MGMT: variants seen among roughly 807,000 people sequenced by gnomAD.
MGMT encodes the protein methylated-DNA--protein-cysteine methyltransferase.
Under a neutral mutation model 15.9 loss-of-function variants are expected in MGMT, and 14 were observed. That is an observed-to-expected ratio of 0.88 (90% CI 0.58 to 1.37). The LOEUF is 1.37. Ranked by LOEUF, MGMT falls within the 40% of genes most tolerant of loss-of-function variation. The probability of loss-of-function intolerance (pLI) is 0.00; values close to 1 mark genes in which losing one functional copy is unlikely to be tolerated. For synonymous variants in MGMT, 130 were observed against 118.2 expected, an observed-to-expected ratio of 1.10 and a Z score of -0.65; for missense variants, 282 against 268.1, an observed-to-expected ratio of 1.05 and a Z score of -0.36.
intron 3 of MGMT, among the ~76,000 whole-genome samples, chr10:129,729,720 C>T (rs752265600): frequency 1.6e-4 from 24 of 152,182 alleles, no homozygotes; most frequent in Non-Finnish European, 3.1e-4. Flanking sequence ...ATCCGTGTCC[C>T]GTGGTAAAGA....
chr10:129,658,403 T>TGACCCTCA (rs1403804375), intron 2 of MGMT, among the ~76,000 whole-genome samples: 2 of 152,258 alleles, frequency 1.3e-5, no homozygotes, highest in Non-Finnish European at 2.9e-5. Context: ...GAATGACAGG[T>TGACCCTCA]GACCCTCAGA....
At chr10:129,739,009 T>G (rs368607205) in intron 3 of MGMT, among the ~76,000 whole-genome samples, 3 of 152,078 alleles carry the variant, frequency 2.0e-5, no homozygotes, top group Non-Finnish European at 2.9e-5. Flanking sequence ...CATACACAAA[T>G]CAATAAACAT....
At chr10:129,707,101 C>T (rs1262596616) in intron 2 of MGMT, among the ~76,000 whole-genome samples, 1 of 152,028 alleles carries the variant, frequency 6.6e-6, no homozygotes, top group East Asian at 1.9e-4. Context: ...CATGGAGAAA[C>T]CCCATCTCTA....
At chr10:129,680,825 G>T (rs926131417) in intron 2 of MGMT, among the ~76,000 whole-genome samples, 1 of 152,174 alleles carries the variant, frequency 6.6e-6, no homozygotes, top group African/African-American at 2.4e-5. Context: ...TCGCCACTCC[G>T]TGAGGGTAGA....
At chr10:129,544,619 G>A (rs944527152) in intron 2 of MGMT, among the ~76,000 whole-genome samples, 4 of 152,300 alleles carry the variant, frequency 2.6e-5, no homozygotes, top group African/African-American at 4.8e-5. Flanking sequence ...GGTGGGCCAC[G>A]CCCCTCCTGC....
chr10:129,729,957 G>GT (rs1403694062), intron 3 of MGMT, among the ~76,000 whole-genome samples: 3 of 152,114 alleles, frequency 2.0e-5, no homozygotes, highest in African/African-American at 7.2e-5. Flanking sequence ...TTGATATGAG[G>GT]TGTCTGCTGG....
chr10:129,750,001 A>G (rs1012340115), intron 3 of MGMT, among the ~76,000 whole-genome samples: 1 of 152,024 alleles, frequency 6.6e-6, no homozygotes, highest in Non-Finnish European at 1.5e-5. Flanking sequence ...GAGTCTTTTT[A>G]TAATATATTT....
intron 3 of MGMT, among the ~76,000 whole-genome samples, chr10:129,740,156 G>C (rs746533588): frequency 6.6e-6 from 1 of 152,228 alleles, no homozygotes; most frequent in Non-Finnish European, 1.5e-5. Context: ...GTCGGGGTCC[G>C]GGAAAGGGTG....
intron 2 of MGMT, among the ~76,000 whole-genome samples, chr10:129,636,342 G>A (rs926968809): frequency 1.3e-5 from 2 of 152,162 alleles, no homozygotes; most frequent in Non-Finnish European, 2.9e-5. Flanking sequence ...CAGCACAGAG[G>A]TTAGTATTCA....
intron 1 of MGMT, among the ~76,000 whole-genome samples, chr10:129,517,187 G>C (rs181536225): frequency 6.6e-6 from 1 of 152,204 alleles, no homozygotes; most frequent in Non-Finnish European, 1.5e-5. Flanking sequence ...CTGGTGCTCC[G>C]CCCATGGCTC....
chr10:129,547,072 T>C (rs553429776), intron 2 of MGMT, among the ~76,000 whole-genome samples: 10 of 152,312 alleles, frequency 6.6e-5, no homozygotes, highest in African/African-American at 2.4e-4. Flanking sequence ...TTTATCACAC[T>C]GCAGAATTCT....
chr10:129,475,766 G>T (rs1036575993), intron 1 of MGMT, among the ~76,000 whole-genome samples: 35 of 152,326 alleles, frequency 2.3e-4, no homozygotes, highest in African/African-American at 8.2e-4. Flanking sequence ...TGCTGAGGAG[G>T]TTGCTTCCAT....
intron 2 of MGMT, among the ~76,000 whole-genome samples, chr10:129,574,146 G>C (rs1846451673): frequency 6.6e-6 from 1 of 152,258 alleles, no homozygotes. Context: ...CCTTTGGAGA[G>C]TTTCATGTGC....
intron 3 of MGMT, among the ~76,000 whole-genome samples, chr10:129,751,980 T>A (rs1319540968): frequency 6.6e-6 from 1 of 152,038 alleles, no homozygotes; most frequent in African/African-American, 2.4e-5. Flanking sequence ...TAGATTCTAC[T>A]GTTATTGGGT....
intron 1 of MGMT, among the ~76,000 whole-genome samples, chr10:129,525,273 G>A (rs1845856990): frequency 1.3e-5 from 2 of 152,106 alleles, no homozygotes; most frequent in Non-Finnish European, 2.9e-5. Context: ...AAAGAGAAGA[G>A]TTCAGAAAAG....
chr10:129,584,007 T>A (rs935789793), intron 2 of MGMT, among the ~76,000 whole-genome samples: 1 of 152,114 alleles, frequency 6.6e-6, no homozygotes, highest in African/African-American at 2.4e-5. Flanking sequence ...ACTTGGCATG[T>A]CAGTGGAGCC....
At chr10:129,643,184 T>C (rs569471874) in intron 2 of MGMT, among the ~76,000 whole-genome samples, 2 of 152,108 alleles carry the variant, frequency 1.3e-5, no homozygotes, top group African/African-American at 4.8e-5. Context: ...TGTGGCCAAC[T>C]GAGGAGTACC....
intron 1 of MGMT, among the ~76,000 whole-genome samples, chr10:129,504,824 G>A (rs1845608723): frequency 6.6e-6 from 1 of 152,136 alleles, no homozygotes; most frequent in Non-Finnish European, 1.5e-5. Context: ...TGGGGAGAGA[G>A]ATGTCATCAA....
chr10:129,550,265 C>T (rs1846141006), intron 2 of MGMT, among the ~76,000 whole-genome samples: 1 of 151,158 alleles, frequency 6.6e-6, no homozygotes, highest in African/African-American at 2.4e-5. Flanking sequence ...CACAGTGTTC[C>T]GCAGCCATCA....
Sources: gnomAD v4.1 joint callset for allele counts (sites outside exome capture counted in the v4.1 genomes callset) on GRCh38, gnomAD v4.1.1 for gene constraint, MANE v1.5 for transcripts, NCBI Gene and HGNC (gene_info 2026-07-23, HGNC 2026-07-21) for gene names.